The following RICTOR variants were observed in gnomAD, a reference collection of about 807,000 sequenced individuals.
RICTOR encodes the protein rapamycin-insensitive companion of mTOR.
In RICTOR, 49 loss-of-function variants were observed where a neutral mutation model predicts 214.9. That is an observed-to-expected ratio of 0.23 (90% CI 0.18 to 0.29). The LOEUF (loss-of-function observed/expected upper bound fraction) is 0.29, where lower values mean the gene tolerates loss of function less well. RICTOR is among the 10% of genes least tolerant of loss of function. The pLI is 1.00. For missense variants in RICTOR, 1,625 were observed against 2,047.0 expected, an observed-to-expected ratio of 0.79 and a Z score of 3.98; for synonymous variants, 717 against 711.3, an observed-to-expected ratio of 1.01 and a Z score of -0.13.
intron 2 of RICTOR, among the ~76,000 whole-genome samples, chr5:39,040,208 A>G (rs1757061934): frequency 6.6e-6 from 1 of 151,524 alleles, no homozygotes; most frequent in South Asian, 2.1e-4. Flanking sequence ...TCAGCAAACT[A>G]TTGCAAGGAC....
chr5:39,031,861 A>T (rs1756298966), intron 2 of RICTOR, among the ~76,000 whole-genome samples: 1 of 152,214 alleles, frequency 6.6e-6, no homozygotes, highest in African/African-American at 2.4e-5. Flanking sequence ...TACGAAGATT[A>T]CTGTAGTTAG....
At chr5:38,996,726 C>A in intron 6 of RICTOR, 93 bp downstream of exon 6, 1 of 729,858 alleles carries the variant, frequency 1.4e-6, no homozygotes. Context: ...AGTCTTTAAT[C>A]TTAATAAAGA....
chr5:39,072,612 T>C (rs892854189), intron 2 of RICTOR, among the ~76,000 whole-genome samples: 2 of 152,376 alleles, frequency 1.3e-5, no homozygotes, highest in East Asian at 1.9e-4. Flanking sequence ...GAAGTTATCC[T>C]TGTTAGGAAG....
At chr5:38,997,036 A>C (rs564604823) in intron 5 of RICTOR, among the ~76,000 whole-genome samples, 154 bp from the exon 6 acceptor site, 1 of 152,318 alleles carries the variant, frequency 6.6e-6, no homozygotes, top group African/African-American at 2.4e-5. Flanking sequence ...TATTTATTTA[A>C]TTAACCCATA....
chr5:38,993,025 T>C (rs1752901211), intron 6 of RICTOR, among the ~76,000 whole-genome samples: 1 of 152,066 alleles, frequency 6.6e-6, no homozygotes, highest in Non-Finnish European at 1.5e-5. Context: ...AGGAAGGAAG[T>C]AACAATTGTG....
At position 39,046,820 on chromosome 5, in the gene RICTOR, T is replaced by C. The variant is rs147647347; in HGVS notation, c.98-25684A>G. Among the ~76,000 whole-genome samples the C allele has an allele frequency of 2.9e-3, 441 of 152,266 alleles. 4 individuals carry two copies. Among genetic ancestry groups the C allele is most frequent in the Middle Eastern group, 0.01 (3 of 294 alleles). On this transcript the variant is annotated intron_variant, in intron 2 of 37. Coordinates refer to ENST00000357387, the MANE Select transcript of RICTOR (RefSeq NM_152756.5). The stretch of plus-strand genomic sequence containing the variant: ...TGAAGGTTGCCAGGGAAAAAAAATG[T>C]TTTAAATGTAAACAACAACAAAGAC...
chr5:39,005,072 C>T (rs1030138245), intron 3 of RICTOR, among the ~76,000 whole-genome samples: 5 of 151,234 alleles, frequency 3.3e-5, no homozygotes, highest in African/African-American at 7.4e-5. Flanking sequence ...TGAGCCACAG[C>T]GCCCGGCCTC....
chr5:39,029,743 G>A (rs951474857), intron 2 of RICTOR, among the ~76,000 whole-genome samples: 5 of 152,174 alleles, frequency 3.3e-5, no homozygotes, highest in African/African-American at 1.2e-4. Flanking sequence ...TCTACGTAAA[G>A]TGGAAATATT....
chr5:38,990,517 T>TGAATACACG (rs1752520637), intron 7 of RICTOR, among the ~76,000 whole-genome samples: 1 of 146,818 alleles, frequency 6.8e-6, no homozygotes, highest in Non-Finnish European at 1.5e-5. Flanking sequence ...ATATACACGA[T>TGAATACACG]ATATATACGA....
Position 38,990,677 on chromosome 5 carries a change from G to GATATATATCAGATATGAT in RICTOR, c.583+271_583+272insATCATATCTGATATATAT, listed in dbSNP as rs1300984037. On this transcript the variant is annotated intron_variant, in intron 7 of 37. Transcript: ENST00000357387. The stretch of plus-strand genomic sequence containing the variant: ...TATGATATATATCAGATATATATCA[G>GATATATATCAGATATGAT]ATATATCATATATATGATATATATC... Among the ~76,000 whole-genome samples the GATATATATCAGATATGAT allele has an allele frequency of 2.4e-3, 12 of 4,946 alleles. 3 individuals are homozygous for GATATATATCAGATATGAT. Among genetic ancestry groups the GATATATATCAGATATGAT allele is most frequent in the African/African-American group, 3.8e-3 (12 of 3,178 alleles). 3.2% of individuals were successfully genotyped at this position (4,946 alleles called of 152,430 possible). A position where few individuals can be genotyped will look rare whatever the true frequency, so the allele number is the denominator to read the frequency against.
rs1167961924 is a variant in RICTOR at position 38,938,963 on chromosome 5, T to C, written c.*3341A>G. On this transcript the variant is annotated 3_prime_UTR_variant, in exon 38 of 38. Coordinates refer to ENST00000357387, the MANE Select transcript of RICTOR (RefSeq NM_152756.5). Reference sequence around the variant, plus strand: ...ATGGATTGTGAATCTGAGACAAAAGTGGAAGCATAAGACTAAAGGAGAAAA... The same window carrying C: ...ATGGATTGTGAATCTGAGACAAAAGCGGAAGCATAAGACTAAAGGAGAAAA... The C allele has an allele frequency of 4.3e-6, 1 of 232,934 alleles. No homozygotes were observed. Among genetic ancestry groups the C allele is most frequent in the Admixed American group, 5.6e-5 (1 of 17,772 alleles). 14.4% of individuals were successfully genotyped at this position (232,934 alleles called of 1,614,324 possible).
At chr5:38,994,349 A>C (rs1166996181) in intron 6 of RICTOR, among the ~76,000 whole-genome samples, 1 of 149,512 alleles carries the variant, frequency 6.7e-6, no homozygotes, top group Non-Finnish European at 1.5e-5. Context: ...ACAAAATGGG[A>C]AATAACTTCA....
At chr5:38,984,818 GT>G (rs1352104319) in intron 7 of RICTOR, among the ~76,000 whole-genome samples, 1 of 151,958 alleles carries the variant, frequency 6.6e-6, no homozygotes, top group Non-Finnish European at 1.5e-5. Flanking sequence ...TGTTGTTGTT[GT>G]TGGTGGTGGT....
chr5:38,973,965 A>AC lies in RICTOR; in HGVS notation c.889+1571dup, dbSNP rs574575891. On this transcript the variant is annotated intron_variant, in intron 10 of 37. Transcript: ENST00000357387. ...TTATTTAGGAAGTTATTTCCACGAG[A>AC]CAAATGCTTTCAAGGTTTTAACTTA... Among the ~76,000 whole-genome samples the AC allele has an allele frequency of 7.7e-3, 1,167 of 152,330 alleles. 17 individuals carry two copies. The highest frequency in any genetic ancestry group is 0.027 in the African/African-American group (1,117 of 41,574).
chr5:39,074,040 TG>T lies in RICTOR; in HGVS notation c.97+70del. On this transcript the variant is annotated intron_variant, in intron 2 of 37. Coordinates refer to ENST00000357387, the MANE Select transcript of RICTOR (RefSeq NM_152756.5). The stretch of plus-strand genomic sequence containing the variant: ...CCCGTGCGGGGCCCGCCCCTGCCTC[TG>T]GCCCCCAGCCCCGGACCCGGCTCCT... The T allele has an allele frequency of 2.5e-6, 3 of 1,176,522 alleles. 1 individual carries two copies. The highest frequency in any genetic ancestry group is 3.8e-5 in the South Asian group (2 of 52,812). The allele number at this position is 1,176,522 out of a possible 1,614,324, so 72.9% of individuals were successfully genotyped here.
At chr5:39,038,248 G>A (rs543484261) in intron 2 of RICTOR, among the ~76,000 whole-genome samples, 1 of 152,226 alleles carries the variant, frequency 6.6e-6, no homozygotes, top group East Asian at 1.9e-4. Context: ...ATGCAGAAAA[G>A]GTCTTTGACA....
At chr5:39,032,542 C>T (rs2150153022) in intron 2 of RICTOR, among the ~76,000 whole-genome samples, 1 of 152,190 alleles carries the variant, frequency 6.6e-6, no homozygotes, top group African/African-American at 2.4e-5. Context: ...CAAGTAAAAA[C>T]CTGAACAAAC....
At chr5:38,989,939 G>A (rs1193881861) in intron 7 of RICTOR, among the ~76,000 whole-genome samples, 1 of 152,134 alleles carries the variant, frequency 6.6e-6, no homozygotes, top group Non-Finnish European at 1.5e-5. Context: ...GAAGAAGAGT[G>A]TGGCAATTCC....
intron 10 of RICTOR, among the ~76,000 whole-genome samples, chr5:38,973,062 A>G (rs1025640814): frequency 2.0e-5 from 3 of 152,120 alleles, no homozygotes; most frequent in Non-Finnish European, 4.4e-5. Context: ...AATAGGCAAA[A>G]CTAAGCCACA....
Sources: gnomAD v4.1 joint callset for allele counts (sites outside exome capture counted in the v4.1 genomes callset) on GRCh38, gnomAD v4.1.1 for gene constraint, MANE v1.5 for transcripts, NCBI Gene and HGNC (gene_info 2026-07-23, HGNC 2026-07-21) for gene names.